CYLD: variants seen among roughly 807,000 people sequenced by gnomAD.
CYLD encodes ubiquitin carboxyl-terminal hydrolase CYLD.
Under a neutral mutation model 104.5 loss-of-function variants are expected in CYLD, and 26 were observed. The ratio of observed to expected loss-of-function variants is 0.25; its 90% CI spans 0.18 to 0.35. The LOEUF (loss-of-function observed/expected upper bound fraction) is 0.35. CYLD is among the 10% of genes least tolerant of loss of function. CYLD has a pLI of 1.00. For synonymous variants in CYLD, 385 were observed against 399.9 expected, an observed-to-expected ratio of 0.96 and a Z score of 0.45; for missense variants, 703 against 1,136.1, an observed-to-expected ratio of 0.62 and a Z score of 5.48.
intron 5 of CYLD, among the ~76,000 whole-genome samples, chr16:50,755,051 GTATATATACATATAGATATGT>G (rs1966927674): frequency 1.8e-4 from 4 of 22,100 alleles, no homozygotes; most frequent in Non-Finnish European, 3.3e-4. Context: ...ACATATATAT[GTATATATACATATAGATATGT>G]ATACATATAC....
chr16:50,780,089 G>A (rs1970069831), intron 9 of CYLD, 45 bp downstream of exon 9: 3 of 1,608,640 alleles, frequency 1.9e-6, no homozygotes, highest in Non-Finnish European at 1.7e-6. Context: ...TCTCTGTGAG[G>A]TTTTGTGCAG....
At chr16:50,764,863 A>T (rs944061927) in intron 5 of CYLD, among the ~76,000 whole-genome samples, 1 of 152,224 alleles carries the variant, frequency 6.6e-6, no homozygotes, top group Non-Finnish European at 1.5e-5. Context: ...TATCTGGTTC[A>T]GAACCTTAGT....
intron 18 of CYLD, among the ~76,000 whole-genome samples, chr16:50,795,384 G>A (rs1341868611): frequency 6.6e-6 from 1 of 152,168 alleles, no homozygotes; most frequent in East Asian, 1.9e-4. Flanking sequence ...TTTAACTAAT[G>A]CTTAATGAAT....
rs565964953 is a variant in CYLD, at chr16:50,755,080, T to C, written c.913+656T>C. Among the ~76,000 whole-genome samples, 292 of 114,266 alleles carry C rather than the reference T, an allele frequency of 2.6e-3. 33 individuals carry two copies. The highest frequency in any genetic ancestry group is 0.012 in the African/African-American group (273 of 22,388). The allele number at this position is 114,266 out of a possible 152,430, so 75.0% of individuals were successfully genotyped here. On this transcript the variant is annotated intron_variant, in intron 5 of 18. Coordinates refer to ENST00000427738, the MANE Select transcript of CYLD (RefSeq NM_001378743.1). The stretch of plus-strand genomic sequence containing the variant: ...ATATACATATAGATATGTATACATA[T>C]ACACACATATATACATACATATATA...
Position 50,751,914 on chromosome 16 carries a change from A to T in CYLD, c.807+8A>T. On this transcript the variant is annotated splice_region_variant and intron_variant, in intron 4 of 18. Transcript: ENST00000427738. ...TTTGTTGGTGTGGACATGGTAAGAA[A>T]ATTTTGGATTAAATATCTTTGTGAT... is the stretch of plus-strand genomic sequence containing the variant. 6.3e-7 allele frequency: 1 copy of T among 1,589,784 alleles called. No individual in the cohort carries two copies. The highest frequency in any genetic ancestry group is 8.6e-7 in the Non-Finnish European group (1 of 1,163,972).
chr16:50,760,025 T>C (rs1047969417), intron 5 of CYLD, among the ~76,000 whole-genome samples: 6 of 152,248 alleles, frequency 3.9e-5, no homozygotes, highest in African/African-American at 1.4e-4. Context: ...AGCATCCTTA[T>C]GCATATCATC....
At chr16:50,746,013 AAT>A (rs1434713447) in intron 2 of CYLD, among the ~76,000 whole-genome samples, 1 of 151,486 alleles carries the variant, frequency 6.6e-6, no homozygotes, top group African/African-American at 2.4e-5. Flanking sequence ...ACATAAAATA[AAT>A]ATATATATAT....
Position 50,791,619 on chromosome 16 carries a change from A to G in CYLD, c.2170A>G (p.Lys724Glu). Residue 724 changes from lysine to glutamate, a missense_variant, in exon 15 of 19, where the codon AAA becomes GAA. Lys to Glu is a moderately conservative substitution (Grantham distance 56). Transcript: ENST00000427738. The stretch of plus-strand genomic sequence containing the variant: ...TCAAATTTTTATGGAAAAAAATGAG[A>G]AAGTTGGCGTTCCCACAATTCAGCA... ...FYQIFMEKNE[K>E]VGVPTIQQLL... 1 of 1,613,916 alleles carries G rather than the reference A, an allele frequency of 6.2e-7. No homozygotes were observed. The highest frequency in any genetic ancestry group is 1.3e-5 in the African/African-American group (1 of 75,060).
Position 50,793,654 on chromosome 16 carries a change from GC to G in CYLD, c.2460del (p.Cys820Ter). 1 of 1,608,056 alleles carries G rather than the reference GC, an allele frequency of 6.2e-7. No individual in the cohort carries two copies. Among genetic ancestry groups the G allele is most frequent in the Non-Finnish European group, 8.5e-7 (1 of 1,174,528 alleles). On this transcript the variant is annotated frameshift_variant, in exon 17 of 19. Coordinates refer to ENST00000427738, the MANE Select transcript of CYLD (RefSeq NM_001378743.1). LOFTEE classifies it high-confidence loss of function. ...AAAATCAAGCAGTTTTGTAAAACCT[GC>G]AACACTCAAGTGAGCTTCCCTTCAC... ...AGKIKQFCKT[C>X]NTQVHLHPKR...
intron 2 of CYLD, among the ~76,000 whole-genome samples, chr16:50,746,804 G>A (rs1280760437): frequency 6.6e-6 from 1 of 151,358 alleles, no homozygotes; most frequent in East Asian, 1.9e-4. Flanking sequence ...TTAACATAAT[G>A]TCCTAATGCA....
At chr16:50,793,770 G>T in intron 17 of CYLD, 106 bp downstream of exon 17, 1 of 828,652 alleles carries the variant, frequency 1.2e-6, no homozygotes. Flanking sequence ...CATAATTAAC[G>T]GTTAAAAATT....
chr16:50,760,271 C>G (rs1407321976), intron 5 of CYLD, among the ~76,000 whole-genome samples: 1 of 152,074 alleles, frequency 6.6e-6, no homozygotes, highest in African/African-American at 2.4e-5. Context: ...TATTTGGGTT[C>G]TAACTAATAT....
chr16:50,794,167 C>T lies in CYLD; in HGVS notation c.2470-45C>T, dbSNP rs745336966. 41 of 1,546,052 alleles carry T rather than the reference C, an allele frequency of 2.7e-5. No homozygotes were observed. In the South Asian group the frequency reaches 4.2e-4, roughly 16 times the overall value. On this transcript the variant is annotated intron_variant, in intron 17 of 18. Coordinates refer to ENST00000427738, the MANE Select transcript of CYLD (RefSeq NM_001378743.1). The surrounding 1 kb of genome is among the most constrained non-coding windows in gnomAD (Gnocchi z 4.1). Reference sequence around the variant, plus strand: ...GGTCTTGAACTCCTGACCTCGTGATCCACCAGCCTCGGCCTAATGACATTC... The same window carrying T: ...GGTCTTGAACTCCTGACCTCGTGATTCACCAGCCTCGGCCTAATGACATTC...
chr16:50,751,971 T>C, intron 4 of CYLD, 65 bp downstream of exon 4: 1 of 506,938 alleles, frequency 2.0e-6, no homozygotes, highest in Admixed American at 4.8e-5. Flanking sequence ...TATGTATATA[T>C]ATATATAAAC....
chr16:50,742,187 G>C (rs973773970), intron 1 of CYLD, 63 bp downstream of exon 1: 4 of 151,774 alleles, frequency 2.6e-5, no homozygotes, highest in Admixed American at 1.3e-4. Flanking sequence ...CTGGGGAGCC[G>C]GGGCGAGGGG....
At chr16:50,759,873 T>G (rs1967705153) in intron 5 of CYLD, among the ~76,000 whole-genome samples, 1 of 152,242 alleles carries the variant, frequency 6.6e-6, no homozygotes, top group African/African-American at 2.4e-5. Context: ...GTGTCTTCTA[T>G]TAAACACGTA....
In CYLD at chr16:50,800,702, A is replaced by T. The variant is rs1471920684; in HGVS notation, c.*4194A>T. The T allele has an allele frequency of 8.6e-6, 2 of 232,668 alleles. No homozygotes were observed. Among genetic ancestry groups the T allele is most frequent in the Non-Finnish European group, 1.7e-5 (2 of 117,760 alleles). The allele number at this position is 232,668 out of a possible 1,614,324, so 14.4% of individuals were successfully genotyped here. A position where few individuals can be genotyped will look rare whatever the true frequency, so the allele number is the denominator to read the frequency against. On this transcript the variant is annotated 3_prime_UTR_variant, in exon 19 of 19. Transcript: ENST00000427738. ...ATTTGCTACTTTATAATGAAAATTTAAAAATTATATGGGAAGATTTTTCTC... is the reference window on the plus strand; with the variant it reads ...ATTTGCTACTTTATAATGAAAATTTTAAAATTATATGGGAAGATTTTTCTC...
At chr16:50,751,532 C>T in intron 3 of CYLD, 72 bp from the exon 4 acceptor site, 2 of 1,364,360 alleles carry the variant, frequency 1.5e-6, no homozygotes, top group Non-Finnish European at 2.1e-6. Context: ...TCCTGAAATC[C>T]CTAGAGTGAA....
At chr16:50,767,998 T>C (rs1487585512) in intron 5 of CYLD, among the ~76,000 whole-genome samples, 1 of 152,228 alleles carries the variant, frequency 6.6e-6, no homozygotes, top group East Asian at 1.9e-4. Context: ...AGGATTGAGA[T>C]AATTAAAATT....
Sources: gnomAD v4.1 joint callset for allele counts (sites outside exome capture counted in the v4.1 genomes callset) on GRCh38, gnomAD v4.1.1 for gene constraint, Gnocchi (gnomAD v3.1) non-coding constraint, MANE v1.5 for transcripts, NCBI Gene and HGNC (gene_info 2026-07-23, HGNC 2026-07-21) for gene names.